The following NR4A1 variants were observed in gnomAD, a reference collection of about 807,000 sequenced individuals.
NR4A1 encodes the protein nuclear receptor subfamily 4 group A member 1, also known as nuclear receptor subfamily 4immunitygroup A member 1.
Under a neutral mutation model 47.5 loss-of-function variants are expected in NR4A1, and 24 were observed. That is an observed-to-expected ratio of 0.50 (90% CI 0.37 to 0.71). NR4A1 has a LOEUF of 0.71. NR4A1 is among the 30% of genes least tolerant of loss of function. NR4A1 has a pLI of 0.00. For synonymous variants in NR4A1, 353 were observed against 345.7 expected (o/e 1.02, Z -0.24); for missense variants, 669 against 788.6 (o/e 0.85, Z 1.82).
intron 1 of NR4A1, among the ~76,000 whole-genome samples, chr12:52,032,038 C>T (rs1938139109): frequency 6.6e-6 from 1 of 152,048 alleles, no homozygotes; most frequent in Admixed American, 6.6e-5. Flanking sequence ...TCAAGTGATC[C>T]GCCCGCCTCG....
intron 6 of NR4A1, 66 bp from the exon 7 acceptor site, chr12:52,058,622 G>A (rs1939394886): frequency 8.2e-6 from 12 of 1,467,396 alleles, no homozygotes; most frequent in Non-Finnish European, 1.0e-5. Context: ...TTAGGGGCCT[G>A]GGGGAGGCTG....
At chr12:52,023,352 C>T (rs1937923558) in intron 1 of NR4A1, among the ~76,000 whole-genome samples, 1 of 152,200 alleles carries the variant, frequency 6.6e-6, no homozygotes, top group South Asian at 2.1e-4. Flanking sequence ...AGGCGAGCTC[C>T]CTCCTGGGCG....
At chr12:52,035,489 AAG>A (rs1201265088) in intron 1 of NR4A1, among the ~76,000 whole-genome samples, 2 of 152,158 alleles carry the variant, frequency 1.3e-5, no homozygotes, top group Admixed American at 1.3e-4. Flanking sequence ...AAGAAAGGAA[AAG>A]AGGGGGTGGG....
intron 4 of NR4A1, 104 bp from the exon 5 acceptor site, chr12:52,056,953 C>T: frequency 2.7e-6 from 3 of 1,121,742 alleles, no homozygotes; most frequent in Non-Finnish European, 3.8e-6. Context: ...CTCAGATCCA[C>T]TCCCACTCCC....
At chr12:52,057,637 T>C in intron 6 of NR4A1, 107 bp downstream of exon 6, 2 of 1,317,162 alleles carry the variant, frequency 1.5e-6, no homozygotes, top group Non-Finnish European at 2.1e-6. Flanking sequence ...GATCTAGCAC[T>C]TTCTGGGCCC....
chr12:52,031,309 A>G (rs1055925692), intron 1 of NR4A1, among the ~76,000 whole-genome samples: 1 of 151,300 alleles, frequency 6.6e-6, no homozygotes, highest in African/African-American at 2.4e-5. Flanking sequence ...TACAGGCATG[A>G]GCCTCCAGTG....
chr12:52,045,348 C>T, intron 2 of NR4A1: 1 of 298,390 alleles, frequency 3.4e-6, no homozygotes, highest in African/African-American at 2.2e-5. Flanking sequence ...TTCCACAGGG[C>T]CGAGTGTGGG....
At chr12:52,043,827 C>T (rs1217473795) in intron 2 of NR4A1, 1 of 1,288,820 alleles carries the variant, frequency 7.8e-7, no homozygotes, top group South Asian at 1.2e-5. Context: ...CCAGGAAGAG[C>T]CCCCAACCAA....
chr12:52,051,434 G>A (rs1300980074), upstream of NR4A1: 5 of 985,586 alleles, frequency 5.1e-6, no homozygotes, highest in African/African-American at 3.5e-5. Flanking sequence ...GGTCGGGCTC[G>A]GCCGGGGAGT....
chr12:52,057,370 C>G lies in NR4A1; in HGVS notation c.1380C>G (p.Gly460=). The part of the protein sequence containing the change: ...RLAYRSKPGE[G]KLIFCSGLVL... The stretch of plus-strand genomic sequence containing the variant: ...CTGCCAGGTCTAAGCCAGGCGAGGG[C>G]AAGCTCATCTTCTGCTCAGGCCTGG... Residue 460 remains glycine (G), a synonymous_variant, in exon 6 of 7, where the codon GGC becomes GGG. Coordinates refer to ENST00000394825, the MANE Select transcript of NR4A1 (RefSeq NM_173157.3). 6.2e-7 allele frequency: 1 copy of G among 1,614,226 alleles called. No homozygotes were observed. The highest frequency in any genetic ancestry group is 2.2e-5 in the East Asian group (1 of 44,888).
At chr12:52,026,383 A>C (rs574764909) in intron 1 of NR4A1, among the ~76,000 whole-genome samples, 1 of 152,364 alleles carries the variant, frequency 6.6e-6, no homozygotes, top group East Asian at 1.9e-4. Flanking sequence ...ACCTTTCACC[A>C]AGAGCTTATT....
At position 52,037,174 on chromosome 12, in the gene NR4A1, C is replaced by T. The variant is rs559686255; in HGVS notation, c.-83-4636C>T. Reference sequence around the variant, plus strand: ...CGGGGCTGGGACAGCGCGCGGGCGGCCGCGGGCGCGGGGGCGGGGGGCGCC... The same window carrying T: ...CGGGGCTGGGACAGCGCGCGGGCGGTCGCGGGCGCGGGGGCGGGGGGCGCC... On this transcript the variant is annotated intron_variant, in intron 1 of 7. Transcript: ENST00000360284. 2.7e-3 allele frequency: 426 copies of T among 155,592 alleles called. 3 individuals carry two copies. The highest frequency in any genetic ancestry group is 8.8e-3 in the African/African-American group (361 of 40,900). 9.6% of individuals were successfully genotyped at this position (155,592 alleles called of 1,614,324 possible).
In NR4A1 at chr12:52,058,961, C is replaced by A; in HGVS notation, c.*17C>A. 6.2e-7 allele frequency: 1 copy of A among 1,602,350 alleles called. No individual in the cohort carries two copies. The highest frequency in any genetic ancestry group is 1.1e-5 in the South Asian group (1 of 90,410). On this transcript the variant is annotated 3_prime_UTR_variant, in exon 7 of 7. Coordinates refer to ENST00000394825, the MANE Select transcript of NR4A1 (RefSeq NM_173157.3). ...CCCTTCTGACCCCTGCCTGGGAACA[C>A]GTGTGCACATGCGCACTCTCATATG... is the stretch of plus-strand genomic sequence containing the variant.
intron 1 of NR4A1, among the ~76,000 whole-genome samples, chr12:52,025,249 T>C (rs1212380118): frequency 6.6e-6 from 1 of 152,016 alleles, no homozygotes; most frequent in Non-Finnish European, 1.5e-5. Flanking sequence ...TTAGTAGAGA[T>C]GGGGTTTCGC....
rs148928807 is a variant in NR4A1 at position 52,055,569 on chromosome 12, C to T, written c.876+365C>T. On this transcript the variant is annotated intron_variant, in intron 2 of 6. Coordinates refer to ENST00000394825, the MANE Select transcript of NR4A1 (RefSeq NM_173157.3). ...TGCCCCCAGGCTCTCATGTTCCTGG[C>T]GTGAGATGAAAGGATCCCTGCGGAG... 7.5e-4 allele frequency: 382 copies of T among 507,280 alleles called. 4 individuals are homozygous for T. The East Asian group carries it at 7.7e-3, about 10-fold the overall frequency. 31.4% of individuals were successfully genotyped at this position (507,280 alleles called of 1,614,324 possible).
intron 1 of NR4A1, among the ~76,000 whole-genome samples, chr12:52,040,999 G>A (rs575998805): frequency 1.1e-4 from 16 of 152,264 alleles, no homozygotes; most frequent in Non-Finnish European, 2.1e-4. Flanking sequence ...TGAAGAGGCT[G>A]GGGTGTGGGG....
intron 1 of NR4A1, among the ~76,000 whole-genome samples, chr12:52,032,533 A>G (rs756314383): frequency 1.1e-4 from 17 of 152,186 alleles, no homozygotes; most frequent in Non-Finnish European, 2.5e-4. Context: ...GGCTAACACC[A>G]TGGCACTTAC....
In NR4A1 at chr12:52,058,733, A is replaced by T. The variant is rs1806254385; in HGVS notation, c.1586A>T (p.Asn529Ile). The change falls in exon 7 of 7, where the codon AAC becomes ATC. Residue 529 changes from asparagine (N) to isoleucine (I), a missense_variant. Asn to Ile is a moderately radical substitution (Grantham distance 149). Transcript: ENST00000394825. ...CCGCGGCGGGTGGAGGAGCTGCAGA[A>T]CCGCATCGCCAGCTGCCTGAAGGAG... is the stretch of plus-strand genomic sequence containing the variant. ...QEPRRVEELQ[N>I]RIASCLKEHV... The T allele has an allele frequency of 1.2e-6, 2 of 1,610,818 alleles. No homozygotes were observed. Among genetic ancestry groups the T allele is most frequent in the Non-Finnish European group, 8.5e-7 (1 of 1,179,100 alleles).
At chr12:52,058,478 G>GT (rs2120550005) in intron 6 of NR4A1, 1 of 609,972 alleles carries the variant, frequency 1.6e-6, no homozygotes, top group African/African-American at 1.9e-5. Context: ...TGGGCCTCGG[G>GT]TTCTCACTTG....
Sources: allele counts gnomAD v4.1 joint callset (sites outside exome capture counted in the v4.1 genomes callset), GRCh38; gene constraint gnomAD v4.1.1; transcripts MANE v1.5; gene names NCBI Gene and HGNC (gene_info 2026-07-23, HGNC 2026-07-21).